The following RAB44 variants were observed in gnomAD, a reference collection of about 807,000 sequenced individuals.
RAB44 encodes RAB44, member RAS oncogene family, also known as ras-related protein Rab-44.
A neutral mutation model predicts 93.3 loss-of-function variants in RAB44; 67 were observed. The observed-to-expected ratio is 0.72, with a 90% CI of 0.59 to 0.88. RAB44 has a LOEUF of 0.88. Ranked by LOEUF, RAB44 falls within the 40% of genes least tolerant of loss-of-function variation. The pLI is 0.00. For missense variants in RAB44, 1,064 were observed against 1,261.7 expected, an observed-to-expected ratio of 0.84 and a Z score of 2.37; for synonymous variants, 427 against 520.3, an observed-to-expected ratio of 0.82 and a Z score of 2.44.
chr6:36,709,240 T>C lies in RAB44; in HGVS notation c.208-4588T>C, dbSNP rs1489666324. On this transcript the variant is annotated intron_variant, in intron 2 of 13. Coordinates refer to ENST00000612677, the MANE Select transcript of RAB44 (RefSeq NM_001257357.2). Reference sequence around the variant, plus strand: ...TGCTGGGATTACAGGCATGAGCCACTGTGCCAAGCCTATTTATCATCAATT... The same window carrying C: ...TGCTGGGATTACAGGCATGAGCCACCGTGCCAAGCCTATTTATCATCAATT... Among the ~76,000 whole-genome samples the C allele has an allele frequency of 5.9e-5, 9 of 152,016 alleles. No homozygotes were observed. In the South Asian group the frequency reaches 1.9e-3, roughly 32 times the overall value.
intron 2 of RAB44, among the ~76,000 whole-genome samples, chr6:36,705,553 T>C (rs1384357984): frequency 6.6e-6 from 1 of 152,040 alleles, no homozygotes; most frequent in Non-Finnish European, 1.5e-5. Flanking sequence ...TGGCTAGTTT[T>C]TGTATGTTTA....
In RAB44 at chr6:36,721,927, C is replaced by G. The variant is rs1363794709; in HGVS notation, c.1793C>G (p.Ser598Cys). The G allele has an allele frequency of 2.4e-6, 3 of 1,234,718 alleles. No individual in the cohort carries two copies. The East Asian group carries it at 9.5e-5, about 39-fold the overall frequency. The allele number at this position is 1,234,718 out of a possible 1,614,324, so 76.5% of individuals were successfully genotyped here. A position where few individuals can be genotyped will look rare whatever the true frequency, so the allele number is the denominator to read the frequency against. ...CAGCAGGACCTGCATGCCACTGGCT[C>G]TGAGCCAAGACTGGGGACCCAGAGG... ...ALQQDLHATG[S>C]EPRLGTQRAR... The change falls in exon 9 of 14, where the codon TCT becomes TGT. Residue 598 changes from serine to cysteine, a missense_variant. Transcript: ENST00000612677.
intron 4 of RAB44, among the ~76,000 whole-genome samples, chr6:36,716,186 C>A (rs1229776096): frequency 2.0e-5 from 3 of 152,178 alleles, no homozygotes; most frequent in African/African-American, 7.2e-5. Context: ...AAAGGGAGCC[C>A]TGGCCGGGCA....
At chr6:36,730,773 G>GC (rs1763345056) in intron 13 of RAB44, 24 bp downstream of exon 13, 24 of 753,116 alleles carry the variant, frequency 3.2e-5, no homozygotes, top group African/African-American at 1.7e-4. Flanking sequence ...GCCCCCCGCC[G>GC]CCCCCACCCC....
chr6:36,723,415 T>C (rs1763146735), intron 9 of RAB44, among the ~76,000 whole-genome samples: 1 of 152,164 alleles, frequency 6.6e-6, no homozygotes, highest in Admixed American at 6.6e-5. Flanking sequence ...GTTGTTATTA[T>C]TATTATAAGT....
Position 36,718,020 on chromosome 6 carries a change from C to G in RAB44, c.642-8C>G. 1 of 1,231,934 alleles carries G rather than the reference C, an allele frequency of 8.1e-7. No homozygotes were observed. The highest frequency in any genetic ancestry group is 1.0e-6 in the Non-Finnish European group (1 of 987,842). The allele number at this position is 1,231,934 out of a possible 1,614,324, so 76.3% of individuals were successfully genotyped here. A position where few individuals can be genotyped will look rare whatever the true frequency, so the allele number is the denominator to read the frequency against. On this transcript the variant is annotated splice_polypyrimidine_tract_variant and splice_region_variant and intron_variant, in intron 5 of 13. Transcript: ENST00000612677. ...GGGCTGCCTGGCCCCAACTCCTGCTCCTCCCAGGCGTGACTCTGACCACCA... is the reference window on the plus strand; with the variant it reads ...GGGCTGCCTGGCCCCAACTCCTGCTGCTCCCAGGCGTGACTCTGACCACCA...
chr6:36,698,394 A>C (rs1762433962), intron 1 of RAB44, among the ~76,000 whole-genome samples: 1 of 152,166 alleles, frequency 6.6e-6, no homozygotes, highest in African/African-American at 2.4e-5. Flanking sequence ...CCAGGTTGTA[A>C]TCTGCTGCTG....
intron 6 of RAB44, 102 bp downstream of exon 6, chr6:36,718,220 G>A: frequency 1.3e-6 from 1 of 745,684 alleles, no homozygotes. Flanking sequence ...ACAGGAGGCT[G>A]CTGTAGTGAA....
chr6:36,722,821 C>T (rs537465599), intron 9 of RAB44, 88 bp downstream of exon 9: 1 of 1,473,692 alleles, frequency 6.8e-7, no homozygotes, highest in South Asian at 1.3e-5. Flanking sequence ...CCAAGCCCTC[C>T]CTGAGGAAGC....
rs956800592 is a variant in RAB44 at position 36,720,389 on chromosome 6, G to T, written c.855G>T (p.Arg285Ser). 4.1e-6 allele frequency: 5 copies of T among 1,232,344 alleles called. No individual in the cohort carries two copies. The Admixed American group carries it at 1.3e-4, about 31-fold the overall frequency. The allele number at this position is 1,232,344 out of a possible 1,614,324, so 76.3% of individuals were successfully genotyped here. ...TGGAGGCCCAGCTCTCCCACCTCAG[G>T]AGCACACATCAGGAGGCTGCCTCAG... is the stretch of plus-strand genomic sequence containing the variant. ...RELEAQLSHL[R>S]STHQEAASEN... Residue 285 changes from arginine (R) to serine (S), a missense_variant, in exon 8 of 14, where the codon AGG becomes AGT. Arg to Ser is a moderately radical substitution (Grantham distance 110). Coordinates refer to ENST00000612677, the MANE Select transcript of RAB44 (RefSeq NM_001257357.2).
At chr6:36,716,116 A>G (rs558969662) in intron 4 of RAB44, among the ~76,000 whole-genome samples, 115 of 152,292 alleles carry the variant, frequency 7.6e-4, no homozygotes, top group Non-Finnish European at 1.4e-3. Flanking sequence ...TGGAGACAGA[A>G]GTGCATTTCC....
chr6:36,728,910 C>A, intron 12 of RAB44, 109 bp downstream of exon 12: 1 of 849,020 alleles, frequency 1.2e-6, no homozygotes, highest in Non-Finnish European at 1.9e-6. Context: ...GAACCCGTGG[C>A]CCATTCCTGC....
intron 2 of RAB44, among the ~76,000 whole-genome samples, chr6:36,706,678 C>T (rs1283480561): frequency 1.3e-5 from 2 of 152,132 alleles, no homozygotes; most frequent in East Asian, 1.9e-4. Flanking sequence ...TTCTGTTGAA[C>T]CTGTGCAAAT....
chr6:36,709,303 G>A (rs79927325), intron 2 of RAB44, among the ~76,000 whole-genome samples: 2,347 of 152,294 alleles, frequency 0.015, 54 homozygotes, highest in African/African-American at 0.05. Context: ...TTGGCAAAAT[G>A]TTAATACATT....
intron 10 of RAB44, 30 bp from the exon 11 acceptor site, chr6:36,727,546 TG>T: frequency 6.7e-7 from 1 of 1,491,664 alleles, no homozygotes; most frequent in Non-Finnish European, 9.1e-7. Context: ...TCTGGATGCC[TG>T]GTGTGGCCTC....
chr6:36,723,850 A>AAAAAAAAAAAAAAAAAAAAC, intron 9 of RAB44, among the ~76,000 whole-genome samples: 1 of 150,108 alleles, frequency 6.7e-6, no homozygotes, highest in Non-Finnish European at 1.5e-5. Flanking sequence ...AAAAAAAAAA[A>AAAAAAAAAAAAAAAAAAAAC]AAAAGCAAAC....
intron 2 of RAB44, among the ~76,000 whole-genome samples, chr6:36,707,958 A>G (rs941237133): frequency 6.6e-6 from 1 of 152,044 alleles, no homozygotes. Context: ...TGCCTGTAAT[A>G]CCAGGACTTT....
At chr6:36,713,261 T>C (rs888942351) in intron 2 of RAB44, among the ~76,000 whole-genome samples, 1 of 152,236 alleles carries the variant, frequency 6.6e-6, no homozygotes, top group Non-Finnish European at 1.5e-5. Context: ...AATGGCACCA[T>C]CTTGGCTCAC....
In RAB44 at chr6:36,722,297, A is replaced by T; in HGVS notation, c.2163A>T (p.Pro721=). Residue 721 remains proline (P), a synonymous_variant, in exon 9 of 14, where the codon CCA becomes CCT. Transcript: ENST00000612677. ...AAGACTCTCTGCTTGTTTCTCTCCC[A>T]TCTGCCACACCACAGGCTCAGGTGG... ...PQQDSLLVSL[P]SATPQAQVEA... 1 of 1,308,486 alleles carries T rather than the reference A, an allele frequency of 7.6e-7. No homozygotes were observed. The highest frequency in any genetic ancestry group is 3.6e-5 in the Admixed American group (1 of 28,022). 81.1% of individuals were successfully genotyped at this position (1,308,486 alleles called of 1,614,324 possible). A position where few individuals can be genotyped will look rare whatever the true frequency, so the allele number is the denominator to read the frequency against.
Sources: gnomAD v4.1 joint callset for allele counts (sites outside exome capture counted in the v4.1 genomes callset) on GRCh38, gnomAD v4.1.1 for gene constraint, MANE v1.5 for transcripts, NCBI Gene and HGNC (gene_info 2026-07-23, HGNC 2026-07-21) for gene names.